The following BTBD9 variants were observed in gnomAD, a reference collection of about 807,000 sequenced individuals.
The protein encoded by BTBD9 is BTB domain containing 9.
BTBD9 carries 49 observed loss-of-function variants against 64.3 expected under a neutral mutation model. That is an observed-to-expected ratio of 0.76 (90% CI 0.61 to 0.97). The LOEUF (loss-of-function observed/expected upper bound fraction) is 0.97. BTBD9 is among the 50% of genes least tolerant of loss of function. BTBD9 has a pLI of 0.00. For missense variants in BTBD9, 598 were observed against 762.1 expected (o/e 0.78, Z 2.53); for synonymous variants, 260 against 274.7 (o/e 0.95, Z 0.53).
At chr6:38,296,764 G>A (rs967716698) in intron 7 of BTBD9, among the ~76,000 whole-genome samples, 3 of 151,918 alleles carry the variant, frequency 2.0e-5, no homozygotes, top group African/African-American at 4.8e-5. Flanking sequence ...TTTGACCCAC[G>A]AATTATTCAG....
intron 6 of BTBD9, among the ~76,000 whole-genome samples, chr6:38,381,414 C>A (rs1395422311): frequency 1.3e-5 from 2 of 152,016 alleles, no homozygotes; most frequent in Non-Finnish European, 2.9e-5. Context: ...AAATATATAA[C>A]AATTCTAAGT....
chr6:38,389,339 C>G (rs1766312397), intron 6 of BTBD9, among the ~76,000 whole-genome samples: 1 of 152,042 alleles, frequency 6.6e-6, no homozygotes, highest in South Asian at 2.1e-4. Flanking sequence ...ATTACTGCAT[C>G]AAAAAAACAG....
Position 38,192,512 on chromosome 6 carries a change from C to T in BTBD9, c.1641+7G>A, listed in dbSNP as rs1208533981. ...TCATGGCACCTCTCATGAAAAGAGA[C>T]CCTTACCTCATTTGCTGTGTTGTGT... On this transcript the variant is annotated splice_region_variant and intron_variant, in intron 10 of 10. Transcript: ENST00000481247. The T allele has an allele frequency of 6.2e-7, 1 of 1,612,124 alleles. No individual in the cohort carries two copies. Among genetic ancestry groups the T allele is most frequent in the Non-Finnish European group, 8.5e-7 (1 of 1,178,626 alleles).
rs1427496890 is a variant in BTBD9, at chr6:38,344,952, T to C, written c.1264+32A>G. 4 of 1,364,084 alleles carry C rather than the reference T, an allele frequency of 2.9e-6. No individual in the cohort carries two copies. In the African/African-American group the frequency reaches 5.8e-5, roughly 20 times the overall value. The allele number at this position is 1,364,084 out of a possible 1,614,324, so 84.5% of individuals were successfully genotyped here. On this transcript the variant is annotated intron_variant, in intron 7 of 10. Transcript: ENST00000481247. ...AGTATTTGAAGATAAAATATCCAAA[T>C]ATACATACAAAAATCTAATGGTAAT...
At position 38,213,382 on chromosome 6, in the gene BTBD9, T is replaced by TA. The variant is rs746383491; in HGVS notation, c.1563-20786dup. ...GGAGAGCTTAAAAAAATCTCTGGAG[T>TA]AAAAAAAAAAATGTTTTCCTATGAT... is the stretch of plus-strand genomic sequence containing the variant. On this transcript the variant is annotated intron_variant, in intron 9 of 10. Coordinates refer to ENST00000481247, the MANE Select transcript of BTBD9 (RefSeq NM_001099272.2). 5.7e-3 allele frequency among the ~76,000 whole-genome samples: 819 copies of TA among 144,924 alleles called. 3 individuals carry two copies. The highest frequency in any genetic ancestry group is 0.014 in the African/African-American group (558 of 39,572).
At chr6:38,210,109 C>T (rs993340791) in intron 9 of BTBD9, among the ~76,000 whole-genome samples, 1 of 152,132 alleles carries the variant, frequency 6.6e-6, no homozygotes. Context: ...CGACGTCTCA[C>T]TCAGTACCCC....
chr6:38,221,536 G>A (rs528642310), intron 9 of BTBD9, among the ~76,000 whole-genome samples: 4 of 152,228 alleles, frequency 2.6e-5, no homozygotes, highest in Non-Finnish European at 4.4e-5. Context: ...AGTGCCGCCC[G>A]TCAATGAACC....
At chr6:38,625,303 G>A (rs1017675216) in intron 1 of BTBD9, among the ~76,000 whole-genome samples, 2 of 152,120 alleles carry the variant, frequency 1.3e-5, no homozygotes, top group South Asian at 4.1e-4. Flanking sequence ...TAATTTTAAA[G>A]GCCATATGCC....
chr6:38,449,532 T>TA (rs35241869), intron 6 of BTBD9, among the ~76,000 whole-genome samples: 35,332 of 149,764 alleles, frequency 0.24, 5,192 homozygotes, highest in Non-Finnish European at 0.35. Flanking sequence ...GGCAGTCTCT[T>TA]AAAAAAAAAA....
chr6:38,374,200 TA>T (rs1170577734), intron 6 of BTBD9, among the ~76,000 whole-genome samples: 2 of 143,836 alleles, frequency 1.4e-5, no homozygotes, highest in Non-Finnish European at 1.5e-5. Context: ...AACTGGGAGG[TA>T]AAGGTCGCAG....
intron 6 of BTBD9, among the ~76,000 whole-genome samples, chr6:38,353,761 G>A (rs1764614491): frequency 6.6e-6 from 1 of 152,052 alleles, no homozygotes; most frequent in African/African-American, 2.4e-5. Flanking sequence ...GCGTTTCCAC[G>A]AATGTAGACA....
intron 6 of BTBD9, among the ~76,000 whole-genome samples, chr6:38,479,980 C>T (rs1041803034): frequency 6.6e-6 from 1 of 152,264 alleles, no homozygotes; most frequent in Admixed American, 6.5e-5. Flanking sequence ...CCTCCTGCCT[C>T]GGCCTCCCAA....
intron 8 of BTBD9, among the ~76,000 whole-genome samples, chr6:38,262,774 A>G (rs1037162221): frequency 1.1e-4 from 16 of 152,222 alleles, no homozygotes; most frequent in African/African-American, 3.9e-4. Context: ...TGGAAAGTCT[A>G]CATTATGCAT....
At chr6:38,398,916 C>T (rs967621331) in intron 6 of BTBD9, among the ~76,000 whole-genome samples, 1 of 152,130 alleles carries the variant, frequency 6.6e-6, no homozygotes, top group Admixed American at 6.5e-5. Flanking sequence ...ACTTTCATTC[C>T]ATCATGGGTT....
Position 38,246,553 on chromosome 6 carries a change from T to C in BTBD9, c.1562+9856A>G, listed in dbSNP as rs564840015. On this transcript the variant is annotated intron_variant, in intron 9 of 10. Coordinates refer to ENST00000481247, the MANE Select transcript of BTBD9 (RefSeq NM_001099272.2). The stretch of plus-strand genomic sequence containing the variant: ...CTCTTACAGGTACATGTTTCTTCAT[T>C]GTTCAAGTTCTAAAGCTCTTGACAA... Among the ~76,000 whole-genome samples the C allele has an allele frequency of 4.6e-5, 7 of 152,218 alleles. No homozygotes were observed. The South Asian group carries it at 1.2e-3, about 27-fold the overall frequency.
chr6:38,328,713 C>T lies in BTBD9; in HGVS notation c.1264+16271G>A, dbSNP rs571416217. ...CTGTAATCTCAGCACTTTGGGAGGC[C>T]GAGGTGGGTGGATCCCGAGGTCACG... On this transcript the variant is annotated intron_variant, in intron 7 of 10. Coordinates refer to ENST00000481247, the MANE Select transcript of BTBD9 (RefSeq NM_001099272.2). 7.3e-5 allele frequency among the ~76,000 whole-genome samples: 11 copies of T among 151,572 alleles called. No homozygotes were observed. The East Asian group carries it at 2.1e-3, about 30-fold the overall frequency.
At chr6:38,396,897 C>CTTTTTTTTTTTT (rs146597621) in intron 6 of BTBD9, among the ~76,000 whole-genome samples, 14 of 107,362 alleles carry the variant, frequency 1.3e-4, no homozygotes, top group African/African-American at 2.6e-4. Context: ...TTTTCTTTTT[C>CTTTTTTTTTTTT]TTTTTTTTTT....
At chr6:38,287,250 T>C (rs2127554907) in intron 8 of BTBD9, among the ~76,000 whole-genome samples, 1 of 151,842 alleles carries the variant, frequency 6.6e-6, no homozygotes, top group East Asian at 1.9e-4. Context: ...AGCAACTTCT[T>C]GTCCTGCAAG....
At chr6:38,407,889 T>A (rs553926303) in intron 6 of BTBD9, among the ~76,000 whole-genome samples, 2 of 152,190 alleles carry the variant, frequency 1.3e-5, no homozygotes, top group Non-Finnish European at 2.9e-5. Flanking sequence ...AATCCCTGCA[T>A]TCAAGGTCCT....
Sources: gnomAD v4.1 joint callset for allele counts (sites outside exome capture counted in the v4.1 genomes callset) on GRCh38, gnomAD v4.1.1 for gene constraint, MANE v1.5 for transcripts, NCBI Gene and HGNC (gene_info 2026-07-23, HGNC 2026-07-21) for gene names.